Variants in PRH1 observed in about 807,000 individuals in gnomAD.
The protein encoded by PRH1 is salivary acidic proline-rich phosphoprotein 1/2.
PRH1 carries 7 observed loss-of-function variants against 7.9 expected under a neutral mutation model. The observed-to-expected ratio is 0.89, with a 90% CI of 0.50 to 1.67. PRH1 has a LOEUF of 1.67. Among genes scored for constraint, PRH1 ranks in the 40% most tolerant of loss-of-function variants. The pLI is 0.00. For synonymous variants in PRH1, 45 were observed against 80.8 expected (o/e 0.56, Z 2.38); for missense variants, 109 against 223.6 (o/e 0.49, Z 3.27).
intron 2 of PRH1, among the ~76,000 whole-genome samples, chr12:10,907,320 T>C (rs1299079937): frequency 6.6e-6 from 1 of 152,170 alleles, no homozygotes; most frequent in Non-Finnish European, 1.5e-5. Flanking sequence ...TTATTTATAA[T>C]GGCCAATAAT....
At chr12:11,099,285 G>T (rs571928531) in intron 1 of PRH1, among the ~76,000 whole-genome samples, 86 of 152,270 alleles carry the variant, frequency 5.6e-4, no homozygotes, top group Admixed American at 1.0e-3. Context: ...CGCCTCGCAA[G>T]TACACTGTTC....
intron 2 of PRH1, among the ~76,000 whole-genome samples, chr12:10,934,127 G>A (rs1279422948): frequency 6.6e-6 from 1 of 152,046 alleles, no homozygotes; most frequent in African/African-American, 2.4e-5. Context: ...CCTAGTCTTC[G>A]AATTTTTAAT....
chr12:11,168,276 GAAAGAAAGAAA>G (rs1947668330), intron 1 of PRH1, among the ~76,000 whole-genome samples: 6 of 32,436 alleles, frequency 1.8e-4, no homozygotes, highest in Admixed American at 3.7e-4. Flanking sequence ...AAGAAAGAAA[GAAAGAAAGAAA>G]GAAAGAAAGA....
At chr12:11,011,871 T>C (rs1043017145) in intron 1 of PRH1, among the ~76,000 whole-genome samples, 4 of 152,130 alleles carry the variant, frequency 2.6e-5, no homozygotes, top group Non-Finnish European at 4.4e-5. Flanking sequence ...TCCTCATGGA[T>C]GGGAGGAATT....
chr12:11,150,636 C>T (rs985719476), intron 1 of PRH1, among the ~76,000 whole-genome samples: 16 of 151,610 alleles, frequency 1.1e-4, no homozygotes, highest in African/African-American at 3.6e-4. Flanking sequence ...CACATGGACA[C>T]AGGAAGGGGA....
At chr12:11,038,280 G>C (rs372755275) in intron 1 of PRH1, among the ~76,000 whole-genome samples, 1 of 151,744 alleles carries the variant, frequency 6.6e-6, no homozygotes, top group Non-Finnish European at 1.5e-5. Context: ...AGAAAAAATT[G>C]TAACGTTAAC....
chr12:11,031,190 G>A (rs1282107063), intron 1 of PRH1: 2 of 1,614,202 alleles, frequency 1.2e-6, no homozygotes, highest in South Asian at 2.2e-5. Flanking sequence ...CGCCAGAGCA[G>A]TGAGAATCTG....
intron 1 of PRH1, chr12:11,171,380 C>A (rs148825190): frequency 0.012 from 14,327 of 1,231,952 alleles, 94 homozygotes; most frequent in Middle Eastern, 0.017. Flanking sequence ...CGGCTCCGTC[C>A]TCCTTGGCCG....
intron 2 of PRH1, among the ~76,000 whole-genome samples, chr12:10,944,198 T>G (rs903593252): frequency 6.6e-5 from 10 of 152,220 alleles, no homozygotes; most frequent in African/African-American, 2.4e-4. Context: ...ATTGATTCTT[T>G]GTATCCATGA....
chr12:11,010,927 G>T (rs1941041429), intron 1 of PRH1, among the ~76,000 whole-genome samples: 1 of 151,292 alleles, frequency 6.6e-6, no homozygotes, highest in Non-Finnish European at 1.5e-5. Flanking sequence ...CTCTTGTTAT[G>T]AGCAGGTGTA....
intron 1 of PRH1, among the ~76,000 whole-genome samples, chr12:11,109,587 T>G (rs561627741): frequency 6.6e-6 from 1 of 152,114 alleles, no homozygotes; most frequent in Non-Finnish European, 1.5e-5. Context: ...CCCTGACTGT[T>G]AGAAGGAAAA....
intron 2 of PRH1, among the ~76,000 whole-genome samples, chr12:10,935,645 G>A (rs1328987622): frequency 6.6e-6 from 1 of 152,218 alleles, no homozygotes; most frequent in Non-Finnish European, 1.5e-5. Context: ...CACCTCTGCT[G>A]AGCAACATCT....
chr12:11,065,364 T>A (rs1343123784), intron 1 of PRH1, among the ~76,000 whole-genome samples: 3 of 149,566 alleles, frequency 2.0e-5, no homozygotes, highest in Non-Finnish European at 4.5e-5. Context: ...ACTTTACCAC[T>A]TTTGGAAAAA....
intron 1 of PRH1, chr12:10,986,732 T>G (rs200530822): frequency 1.9e-6 from 3 of 1,612,936 alleles, no homozygotes; most frequent in East Asian, 4.5e-5. Context: ...TTTGGTCAGC[T>G]GAGGAGATCT....
At chr12:11,171,497 GA>G, upstream of PRH1, 1 of 1,232,378 alleles carries the variant, frequency 8.1e-7, no homozygotes, top group Non-Finnish European at 1.0e-6. Context: ...AGCTGCGCAT[GA>G]ACTTCCCGTA....
intron 2 of PRH1, among the ~76,000 whole-genome samples, chr12:10,894,258 C>G (rs1949614729): frequency 6.6e-6 from 1 of 152,040 alleles, no homozygotes; most frequent in Non-Finnish European, 1.5e-5. Flanking sequence ...TATTGTTAGT[C>G]CAAAGATTCA....
intron 2 of PRH1, chr12:10,896,910 A>G (rs1296143189): frequency 1.3e-5 from 2 of 152,200 alleles, no homozygotes; most frequent in Non-Finnish European, 2.9e-5. Flanking sequence ...TAAAAATGCT[A>G]TAATAATTCT....
At chr12:11,143,616 A>C (rs1946772414) in intron 1 of PRH1, among the ~76,000 whole-genome samples, 1 of 152,212 alleles carries the variant, frequency 6.6e-6, no homozygotes, top group Admixed American at 6.5e-5. Context: ...ACAGACATGC[A>C]CAGATAGAAA....
At chr12:11,107,289 C>A (rs1205510632) in intron 1 of PRH1, among the ~76,000 whole-genome samples, 2 of 152,164 alleles carry the variant, frequency 1.3e-5, no homozygotes, top group Admixed American at 6.5e-5. Context: ...GTGTGAACAA[C>A]CACACATGGC....
Sources: gnomAD v4.1 joint callset for allele counts (sites outside exome capture counted in the v4.1 genomes callset) on GRCh38, gnomAD v4.1.1 for gene constraint, MANE v1.5 for transcripts, NCBI Gene and HGNC (gene_info 2026-07-23, HGNC 2026-07-21) for gene names.